The following HGSNAT variants were observed in gnomAD, a reference collection of about 807,000 sequenced individuals.
HGSNAT encodes the protein heparan-alpha-glucosaminide N-acetyltransferase, also known as transmembrane protein 76.
HGSNAT carries 59 observed loss-of-function variants against 85.2 expected under a neutral mutation model. The observed-to-expected ratio is 0.69, with a 90% CI of 0.56 to 0.86. The LOEUF is 0.86. HGSNAT is among the 40% of genes least tolerant of loss of function. The pLI is 0.00. For synonymous variants in HGSNAT, 321 were observed against 304.5 expected (o/e 1.05, Z -0.56); for missense variants, 756 against 777.1 (o/e 0.97, Z 0.32).
chr8:43,153,074 A>G (rs1231760386), intron 2 of HGSNAT, among the ~76,000 whole-genome samples: 1 of 151,992 alleles, frequency 6.6e-6, no homozygotes, highest in Non-Finnish European at 1.5e-5. Flanking sequence ...AAAAGGCCCA[A>G]AAGGAGATTG....
chr8:43,188,439 A>T (rs1804400759), intron 11 of HGSNAT, among the ~76,000 whole-genome samples: 1 of 152,170 alleles, frequency 6.6e-6, no homozygotes, highest in Non-Finnish European at 1.5e-5. Flanking sequence ...TGAATTGGCT[A>T]CTGAAGCTTG....
chr8:43,141,288 A>AGCCGCCGCC (rs545919735), intron 1 of HGSNAT, among the ~76,000 whole-genome samples: 25 of 151,830 alleles, frequency 1.6e-4, no homozygotes, highest in East Asian at 3.9e-4. Flanking sequence ...GTGACTGGGA[A>AGCCGCCGCC]GCCGCCGCCG....
chr8:43,184,704 C>G (rs930890900), intron 11 of HGSNAT, among the ~76,000 whole-genome samples: 1 of 152,200 alleles, frequency 6.6e-6, no homozygotes, highest in African/African-American at 2.4e-5. Flanking sequence ...GACGTGAAGT[C>G]CTTGCCCATG....
intron 7 of HGSNAT, 33 bp from the exon 8 acceptor site, chr8:43,172,275 ACC>A (rs761147174): frequency 9.8e-5 from 145 of 1,485,744 alleles, no homozygotes; most frequent in Admixed American, 3.5e-4. Flanking sequence ...CACATAGCAA[ACC>A]CTGAAAGGCT....
chr8:43,183,310 G>C (rs978020895), intron 11 of HGSNAT, among the ~76,000 whole-genome samples: 14 of 151,980 alleles, frequency 9.2e-5, no homozygotes, highest in African/African-American at 3.4e-4. Flanking sequence ...GGGACTATAG[G>C]CATGCACTAC....
At chr8:43,145,634 C>T (rs1221034805) in intron 1 of HGSNAT, among the ~76,000 whole-genome samples, 2 of 152,048 alleles carry the variant, frequency 1.3e-5, no homozygotes, top group East Asian at 1.9e-4. Flanking sequence ...GCCTGTAGTC[C>T]CAGCTACTCA....
In HGSNAT at chr8:43,200,597, G is replaced by C. The variant is rs1467367936; in HGVS notation, c.*1028G>C. ...TTTCAAGATGATCCTCCACAATGGA[G>C]GCAGCGTTCCTACTTGTCATCACAC... On this transcript the variant is annotated 3_prime_UTR_variant, in exon 18 of 18. Transcript: ENST00000379644. 6.6e-6 allele frequency: 1 copy of C among 152,454 alleles called. No homozygotes were observed. The highest frequency in any genetic ancestry group is 1.5e-5 in the Non-Finnish European group (1 of 68,038). 9.4% of individuals were successfully genotyped at this position (152,454 alleles called of 1,614,324 possible).
chr8:43,181,081 T>TGGAGGGAGAGGGAGAGGGAGAG (rs1804079860), intron 10 of HGSNAT, among the ~76,000 whole-genome samples: 2 of 76,472 alleles, frequency 2.6e-5, no homozygotes, highest in African/African-American at 1.1e-4. Context: ...AGGGAGACCG[T>TGGAGGGAGAGGGAGAGGGAGAG]GGAGGGAGAG....
intron 9 of HGSNAT, among the ~76,000 whole-genome samples, chr8:43,176,247 G>C (rs1346294844): frequency 6.6e-6 from 1 of 152,198 alleles, no homozygotes; most frequent in Middle Eastern, 3.4e-3. Context: ...TAGGGGTCTA[G>C]GTTCATTCTT....
chr8:43,166,999 C>T (rs1803455880), intron 5 of HGSNAT, among the ~76,000 whole-genome samples: 1 of 152,098 alleles, frequency 6.6e-6, no homozygotes, highest in Non-Finnish European at 1.5e-5. Flanking sequence ...GAAATAACTG[C>T]AGATGTGGTG....
At chr8:43,197,649 C>T in intron 15 of HGSNAT, 23 bp from the exon 16 acceptor site, 1 of 1,558,028 alleles carries the variant, frequency 6.4e-7, no homozygotes, top group Non-Finnish European at 8.9e-7. Flanking sequence ...AAAATGTTAA[C>T]ATCCTTCTCT....
In HGSNAT at chr8:43,169,057, TTTAA is replaced by T. The variant is rs202173801; in HGVS notation, c.564-112_564-109del. On this transcript the variant is annotated intron_variant, in intron 5 of 17. Transcript: ENST00000379644. ...ATATTGTTAAAAAATGTTTAGAATGTTTAATTACTTAGTAATATAGAATATGAGC... is the reference window on the plus strand; with the variant it reads ...ATATTGTTAAAAAATGTTTAGAATGTTTACTTAGTAATATAGAATATGAGC... 4,915 of 506,166 alleles carry T rather than the reference TTTAA, an allele frequency of 9.7e-3. 180 individuals are homozygous for T. Among genetic ancestry groups the T allele is most frequent in the African/African-American group, 0.083 (4,253 of 51,492 alleles). 31.4% of individuals were successfully genotyped at this position (506,166 alleles called of 1,614,324 possible).
intron 12 of HGSNAT, among the ~76,000 whole-genome samples, chr8:43,191,911 A>G (rs1305051532): frequency 1.3e-5 from 2 of 151,738 alleles, no homozygotes; most frequent in African/African-American, 4.8e-5. Flanking sequence ...CTGCATACAT[A>G]GCCAATATAA....
chr8:43,202,031 G>C lies in HGSNAT; in HGVS notation c.*2462G>C, dbSNP rs527832946. 3 of 152,632 alleles carry C rather than the reference G, an allele frequency of 2.0e-5. No homozygotes were observed. Among genetic ancestry groups the C allele is most frequent in the African/African-American group, 7.2e-5 (3 of 41,556 alleles). The allele number at this position is 152,632 out of a possible 1,614,324, so 9.5% of individuals were successfully genotyped here. ...AAAGCTGAGCTGGGCCTCTCCAGGTGAGTTTTCTAGAAGCATTTCTCAAAC... is the reference window on the plus strand; with the variant it reads ...AAAGCTGAGCTGGGCCTCTCCAGGTCAGTTTTCTAGAAGCATTTCTCAAAC... On this transcript the variant is annotated 3_prime_UTR_variant, in exon 18 of 18. Coordinates refer to ENST00000379644, the MANE Select transcript of HGSNAT (RefSeq NM_152419.3).
chr8:43,157,423 A>AT (rs1255611873), intron 2 of HGSNAT, among the ~76,000 whole-genome samples: 4 of 152,118 alleles, frequency 2.6e-5, no homozygotes. Flanking sequence ...TAAAATGACT[A>AT]TTTTTTTAAT....
intron 4 of HGSNAT, among the ~76,000 whole-genome samples, chr8:43,160,090 G>A (rs1014851926): frequency 3.3e-5 from 5 of 152,160 alleles, no homozygotes; most frequent in African/African-American, 1.2e-4. Context: ...GATGAGCAAG[G>A]CCTGCCTTCC....
intron 11 of HGSNAT, 168 bp downstream of exon 11, chr8:43,182,428 AT>A (rs1335393229): frequency 2.9e-6 from 2 of 686,712 alleles, no homozygotes; most frequent in Non-Finnish European, 5.3e-6. Context: ...GTGAGCCACC[AT>A]GCCTGGCCAG....
At chr8:43,158,390 G>A (rs927371998) in intron 2 of HGSNAT, among the ~76,000 whole-genome samples, 185 bp from the exon 3 acceptor site, 10 of 152,140 alleles carry the variant, frequency 6.6e-5, no homozygotes, top group African/African-American at 1.9e-4. Flanking sequence ...GAGCCACTGC[G>A]CCCAGCCCAG....
chr8:43,196,528 G>C, intron 14 of HGSNAT: 1 of 1,290,412 alleles, frequency 7.7e-7, no homozygotes, highest in Non-Finnish European at 1.0e-6. Flanking sequence ...TAAGAGCCAC[G>C]GAGCCTGCCC....
Sources: gnomAD v4.1 joint callset for allele counts (sites outside exome capture counted in the v4.1 genomes callset) on GRCh38, gnomAD v4.1.1 for gene constraint, MANE v1.5 for transcripts, NCBI Gene and HGNC (gene_info 2026-07-23, HGNC 2026-07-21) for gene names.